The following ZNF292 variants were observed in gnomAD, a reference collection of about 807,000 sequenced individuals.
The protein encoded by ZNF292 is zinc finger protein 292.
ZNF292 carries 26 observed loss-of-function variants against 217.9 expected under a neutral mutation model. The observed-to-expected ratio is 0.12, with a 90% CI of 0.09 to 0.17. ZNF292 has a LOEUF of 0.17. Among genes scored for constraint, ZNF292 ranks in the 10% least tolerant of loss-of-function variants. The probability of loss-of-function intolerance (pLI) is 1.00; values close to 1 mark genes in which losing one functional copy is unlikely to be tolerated. For synonymous variants in ZNF292, 1,257 were observed against 1,124.1 expected (o/e 1.12, Z -2.37); for missense variants, 2,904 against 3,175.2 (o/e 0.91, Z 2.05).
intron 1 of ZNF292, among the ~76,000 whole-genome samples, chr6:87,211,377 T>G (rs1772478984): frequency 6.6e-6 from 1 of 152,174 alleles, no homozygotes; most frequent in African/African-American, 2.4e-5. Flanking sequence ...TTTGGCTAAT[T>G]TAATCTAAAA....
Position 87,255,906 on chromosome 6 carries a change from T to C in ZNF292, c.2277T>C (p.Ala759=). The C allele has an allele frequency of 2.5e-6, 4 of 1,613,798 alleles. 1 individual carries two copies. The change falls in exon 8 of 8, where the codon GCT becomes GCC. Residue 759 remains alanine (A), a synonymous_variant. Coordinates refer to ENST00000369577, the MANE Select transcript of ZNF292 (RefSeq NM_015021.3). ...TCTGTATACAGATGAAATGTAAAGC[T>C]GGTTTTAATAGTTACGCCGAGCTTT... is the stretch of plus-strand genomic sequence containing the variant. ...PYICIQMKCK[A]GFNSYAELLT...
rs544906973 is a variant in ZNF292 at position 87,240,298 on chromosome 6, G to A, written c.742-3177G>A. On this transcript the variant is annotated intron_variant, in intron 5 of 7. Transcript: ENST00000369577. ...GGAGGTTGCAGTGAGCAGAGATGGT[G>A]GCAGTACAGTCCAGCTTCAGCTCGG... is the stretch of plus-strand genomic sequence containing the variant. 1.4e-3 allele frequency among the ~76,000 whole-genome samples: 212 copies of A among 151,836 alleles called. 1 individual carries two copies. Among genetic ancestry groups the A allele is most frequent in the Non-Finnish European group, 2.0e-3 (135 of 67,924 alleles).
At chr6:87,170,396 T>G (rs997879302) in intron 1 of ZNF292, 11 of 152,210 alleles carry the variant, frequency 7.2e-5, no homozygotes, top group Middle Eastern at 3.2e-3. Flanking sequence ...ATGAAGATAT[T>G]TTGTAGAAAG....
intron 1 of ZNF292, among the ~76,000 whole-genome samples, chr6:87,209,099 C>G (rs1160356225): frequency 3.3e-5 from 3 of 89,794 alleles, no homozygotes; most frequent in African/African-American, 2.3e-4. Flanking sequence ...TTTAGCCCCA[C>G]TTTCACCCCC....
At chr6:87,159,117 C>T (rs561895852) in intron 1 of ZNF292, among the ~76,000 whole-genome samples, 1 of 152,230 alleles carries the variant, frequency 6.6e-6, no homozygotes, top group Non-Finnish European at 1.5e-5. Context: ...TGCTTATGAT[C>T]CGTAGTTTAT....
intron 1 of ZNF292, among the ~76,000 whole-genome samples, chr6:87,202,277 G>T (rs1413492363): frequency 1.3e-5 from 2 of 151,804 alleles, no homozygotes; most frequent in Non-Finnish European, 2.9e-5. Flanking sequence ...TACTTTGTTA[G>T]ATTCATTCCT....
At chr6:87,217,835 T>A (rs1192903445) in intron 3 of ZNF292, among the ~76,000 whole-genome samples, 1 of 152,122 alleles carries the variant, frequency 6.6e-6, no homozygotes, top group Admixed American at 6.5e-5. Context: ...TTTGCTCCCA[T>A]TTCTGAGCTT....
chr6:87,162,803 C>G (rs888165106), intron 1 of ZNF292, among the ~76,000 whole-genome samples: 16 of 152,192 alleles, frequency 1.1e-4, no homozygotes, highest in African/African-American at 3.6e-4. Flanking sequence ...AACTGCTGCT[C>G]TACTTATTTT....
intron 7 of ZNF292, among the ~76,000 whole-genome samples, chr6:87,247,450 G>A (rs929470080): frequency 6.6e-6 from 1 of 152,178 alleles, no homozygotes; most frequent in East Asian, 1.9e-4. Context: ...GTCAGAGGAG[G>A]AAAATCTTTA....
Position 87,216,108 on chromosome 6 carries a change from GACACACACACACACACACAC to G in ZNF292, c.323+81_323+100del, listed in dbSNP as rs57115253. On this transcript the variant is annotated intron_variant, in intron 2 of 7. Coordinates refer to ENST00000369577, the MANE Select transcript of ZNF292 (RefSeq NM_015021.3). ...CTAGATTTAGCTTTAAAAATACATA[GACACACACACACACACACAC>G]ACACACACACACACACACACACACA... is the stretch of plus-strand genomic sequence containing the variant. The G allele has an allele frequency of 2.9e-3, 1,480 of 516,090 alleles. 17 individuals are homozygous for G. In the African/African-American group the frequency reaches 0.03, roughly 10 times the overall value. 32.0% of individuals were successfully genotyped at this position (516,090 alleles called of 1,614,324 possible).
At chr6:87,160,309 A>G (rs761762128) in intron 1 of ZNF292, among the ~76,000 whole-genome samples, 1 of 152,244 alleles carries the variant, frequency 6.6e-6, no homozygotes, top group African/African-American at 2.4e-5. Flanking sequence ...GGCCATTGTA[A>G]TAGTTGATTT....
chr6:87,245,158 T>G (rs891575807), intron 6 of ZNF292, among the ~76,000 whole-genome samples: 4 of 152,034 alleles, frequency 2.6e-5, no homozygotes, highest in African/African-American at 9.7e-5. Flanking sequence ...GAAGAATCGC[T>G]TGAACCCGGG....
rs1223254781 is a variant in ZNF292, at chr6:87,256,723, T to G, written c.3094T>G (p.Ser1032Ala). Reference sequence around the variant, plus strand: ...ACAAGTGAACAACTTGATGACCTTTTCTGTGCAAAATCAGGCAGCATTTCA... The same window carrying G: ...ACAAGTGAACAACTTGATGACCTTTGCTGTGCAAAATCAGGCAGCATTTCA... ...ERQVNNLMTF[S>A]VQNQAAFQNN... The change falls in exon 8 of 8, where the codon TCT becomes GCT. Residue 1032 changes from serine to alanine, a missense_variant. Physicochemically the swap from Ser to Ala is moderately conservative, Grantham distance 99. Around this residue, in one of 15 missense-constraint regions of ZNF292, gnomAD observed 687 missense variants for 623.0 expected, o/e 1.10. Coordinates refer to ENST00000369577, the MANE Select transcript of ZNF292 (RefSeq NM_015021.3). 2 of 1,612,746 alleles carry G rather than the reference T, an allele frequency of 1.2e-6. No homozygotes were observed. Among genetic ancestry groups the G allele is most frequent in the African/African-American group, 2.7e-5 (2 of 74,932 alleles).
At chr6:87,163,126 A>G (rs1770807287) in intron 1 of ZNF292, among the ~76,000 whole-genome samples, 1 of 152,128 alleles carries the variant, frequency 6.6e-6, no homozygotes, top group African/African-American at 2.4e-5. Context: ...CTAAGTATAT[A>G]TGTTCAGCTA....
At position 87,261,921 on chromosome 6, in the gene ZNF292, CAAAAACA is replaced by C. The variant is rs1362726214; in HGVS notation, c.*126_*132del. 7.1e-6 allele frequency: 5 copies of C among 699,954 alleles called. No homozygotes were observed. Among genetic ancestry groups the C allele is most frequent in the East Asian group, 3.3e-5 (1 of 30,494 alleles). The allele number at this position is 699,954 out of a possible 1,614,324, so 43.4% of individuals were successfully genotyped here. ...TGTTGTTGACATGAATTAACCTGGCCAAAAACAAAAAAGAAAAAAAAAACATGACATT... is the reference window on the plus strand; with the variant it reads ...TGTTGTTGACATGAATTAACCTGGCCAAAAAGAAAAAAAAAACATGACATT... On this transcript the variant is annotated 3_prime_UTR_variant, in exon 8 of 8. Transcript: ENST00000369577.
chr6:87,172,134 C>A (rs575450017), intron 1 of ZNF292, among the ~76,000 whole-genome samples: 34 of 152,100 alleles, frequency 2.2e-4, no homozygotes, highest in African/African-American at 6.0e-4. Flanking sequence ...CCTATGATAC[C>A]CTATGAGGGA....
Position 87,255,485 on chromosome 6 carries a change from A to G in ZNF292, c.1856A>G (p.Asn619Ser), listed in dbSNP as rs562967100. The stretch of plus-strand genomic sequence containing the variant: ...AGGCCTCCAAAGATCACAACTACCA[A>G]TGAAAATCAGAAGACTAATACTGTG... ...LGRPPKITTTNENQKTNTVAK... is the reference protein window; with the variant it reads ...LGRPPKITTTSENQKTNTVAK... Residue 619 changes from asparagine to serine, a missense_variant, in exon 8 of 8, where the codon AAT becomes AGT. Asn to Ser is a conservative substitution (Grantham distance 46, BLOSUM62 1). This residue lies in a region of ZNF292 where 216 missense variants were observed against 308.3 expected (regional missense o/e 0.70). Transcript: ENST00000369577. 1.0e-4 allele frequency: 164 copies of G among 1,613,628 alleles called. No homozygotes were observed. In the South Asian group the frequency reaches 1.3e-3, roughly 13 times the overall value.
Position 87,255,856 on chromosome 6 carries a change from A to G in ZNF292, c.2227A>G (p.Met743Val). ...SVTHLNDHLQ[M>V]HCGSKPYICI... ...TACTCATCTCAATGATCACTTACAG[A>G]TGCACTGTGGCAGTAAACCATATAT... The change falls in exon 8 of 8, where the codon ATG becomes GTG. Residue 743 changes from methionine (M) to valine (V), a missense_variant. Around this residue, in one of 15 missense-constraint regions of ZNF292, gnomAD observed 216 missense variants for 308.3 expected, o/e 0.70. Coordinates refer to ENST00000369577, the MANE Select transcript of ZNF292 (RefSeq NM_015021.3). 6.2e-7 allele frequency: 1 copy of G among 1,613,852 alleles called. No homozygotes were observed. Among genetic ancestry groups the G allele is most frequent in the Non-Finnish European group, 8.5e-7 (1 of 1,179,844 alleles).
At chr6:87,200,719 C>T (rs931171538) in intron 1 of ZNF292, among the ~76,000 whole-genome samples, 1 of 152,148 alleles carries the variant, frequency 6.6e-6, no homozygotes, top group African/African-American at 2.4e-5. Context: ...AGAGTAGGCC[C>T]TGGAGCCAGA....
Sources: gnomAD v4.1 joint callset for allele counts (sites outside exome capture counted in the v4.1 genomes callset) on GRCh38, gnomAD v4.1.1 for gene constraint, gnomAD v4.1.1 regional missense constraint, MANE v1.5 for transcripts, NCBI Gene and HGNC (gene_info 2026-07-23, HGNC 2026-07-21) for gene names.